Variants in PDE1C observed in about 807,000 individuals in gnomAD.
The protein encoded by PDE1C is phosphodiesterase 1C, also known as dual specificity calcium/calmodulin-dependent 3',5'-cyclic nucleotide phosphodiesterase 1C.
A neutral mutation model predicts 93.1 loss-of-function variants in PDE1C; 62 were observed. That is an observed-to-expected ratio of 0.67 (90% CI 0.54 to 0.82). PDE1C has a LOEUF of 0.82. PDE1C is among the 40% of genes least tolerant of loss of function. The pLI, the probability that PDE1C is intolerant of heterozygous loss-of-function variation, is 0.00. For synonymous variants in PDE1C, 325 were observed against 310.1 expected (o/e 1.05, Z -0.50); for missense variants, 742 against 884.6 (o/e 0.84, Z 2.04).
At chr7:31,702,864 C>T in the PDE1C span, among the ~76,000 whole-genome samples, 51 of 152,224 alleles carry the variant, frequency 3.4e-4, no homozygotes, top group African/African-American at 1.2e-3. Context: ...ATTTTCTGTT[C>T]GTGCTTGTAT....
chr7:31,846,184 C>A (rs1429037022), intron 9 of PDE1C, among the ~76,000 whole-genome samples: 1 of 151,388 alleles, frequency 6.6e-6, no homozygotes, highest in Admixed American at 6.6e-5. Context: ...ATTTTCCAAA[C>A]ATACGTATGC....
intron 1 of PDE1C, among the ~76,000 whole-genome samples, chr7:32,245,584 C>A (rs116417985): frequency 1.6e-3 from 240 of 152,300 alleles, no homozygotes; most frequent in African/African-American, 5.6e-3. Flanking sequence ...GCTTATTGAG[C>A]AGTTTATGGC....
At chr7:32,309,221 C>T (rs1278031478) in intron 1 of PDE1C, among the ~76,000 whole-genome samples, 1 of 152,188 alleles carries the variant, frequency 6.6e-6, no homozygotes, top group African/African-American at 2.4e-5. Context: ...AAGAAACAAA[C>T]AAAGCCTCCA....
chr7:32,182,015 T>C (rs1238128894), intron 2 of PDE1C, among the ~76,000 whole-genome samples: 1 of 152,140 alleles, frequency 6.6e-6, no homozygotes, highest in East Asian at 1.9e-4. Flanking sequence ...GAGAATACTA[T>C]AAACACCTCT....
chr7:32,040,456 C>T (rs1791668209), intron 2 of PDE1C, among the ~76,000 whole-genome samples: 1 of 152,106 alleles, frequency 6.6e-6, no homozygotes, highest in South Asian at 2.1e-4. Flanking sequence ...AAGTGACAAC[C>T]AAAAACTGTC....
intron 2 of PDE1C, among the ~76,000 whole-genome samples, chr7:31,894,836 A>C (rs1799076498): frequency 6.6e-6 from 1 of 152,086 alleles, no homozygotes; most frequent in Non-Finnish European, 1.5e-5. Flanking sequence ...GAGAACCCCC[A>C]GGGAGCAGTG....
At position 32,005,578 on chromosome 7, in the gene PDE1C, A is replaced by AAAAAAAAAAAAAAAAC. The variant is rs1204630246; in HGVS notation, c.128+45975_128+45976insGTTTTTTTTTTTTTTT. Among the ~76,000 whole-genome samples the AAAAAAAAAAAAAAAAC allele has an allele frequency of 9.1e-4, 94 of 103,782 alleles. 15 individuals carry two copies. Among genetic ancestry groups the AAAAAAAAAAAAAAAAC allele is most frequent in the Non-Finnish European group, 1.2e-3 (59 of 49,888 alleles). The allele number at this position is 103,782 out of a possible 152,430, so 68.1% of individuals were successfully genotyped here. On this transcript the variant is annotated intron_variant, in intron 2 of 17. Coordinates refer to ENST00000396191, the MANE Select transcript of PDE1C (RefSeq NM_001191057.4). ...TTCAAAAAAAAAAAAAAAAAAAAAA[A>AAAAAAAAAAAAAAAAC]AAAGAATTGTGATCTGAGAAATCAC... is the stretch of plus-strand genomic sequence containing the variant.
At chr7:32,296,326 C>G (rs1212030390) in intron 1 of PDE1C, among the ~76,000 whole-genome samples, 1 of 152,194 alleles carries the variant, frequency 6.6e-6, no homozygotes, top group African/African-American at 2.4e-5. Context: ...AACACAGATT[C>G]TAAGTCTGAT....
chr7:32,189,004 G>T (rs1297745674), intron 2 of PDE1C, among the ~76,000 whole-genome samples: 1 of 152,182 alleles, frequency 6.6e-6, no homozygotes, highest in African/African-American at 2.4e-5. Context: ...AAGCAAGAAT[G>T]GGACTCAACC....
chr7:32,226,840 A>G (rs1212113594), intron 1 of PDE1C, among the ~76,000 whole-genome samples: 1 of 152,038 alleles, frequency 6.6e-6, no homozygotes, highest in African/African-American at 2.4e-5. Flanking sequence ...CATCACCACC[A>G]ATGCTAGTTA....
At chr7:32,334,367 G>T (rs1233415028) in intron 1 of PDE1C, among the ~76,000 whole-genome samples, 6 of 151,838 alleles carry the variant, frequency 4.0e-5, no homozygotes, top group Non-Finnish European at 5.9e-5. Flanking sequence ...TTAGAAAATT[G>T]ACTTCTTTTG....
chr7:31,963,061 T>C (rs774244116), intron 2 of PDE1C, among the ~76,000 whole-genome samples: 1 of 152,202 alleles, frequency 6.6e-6, no homozygotes, highest in Non-Finnish European at 1.5e-5. Context: ...AACTTCTTAA[T>C]ACAAAAGCAA....
the PDE1C span, among the ~76,000 whole-genome samples, chr7:31,621,519 G>C: frequency 3.0e-4 from 44 of 146,196 alleles, no homozygotes; most frequent in Admixed American, 1.1e-3. Flanking sequence ...CTTCATAAGT[G>C]AAGGAGAAAT....
In PDE1C at chr7:32,347,874, AG is replaced by A. The variant is rs1430947878; in HGVS notation, c.310+79947del. ...TATAGTTTCATGAGACCCTCAGCAGAGGACCCGACTATGCTGTGCCAACCTC... is the reference window on the plus strand; with the variant it reads ...TATAGTTTCATGAGACCCTCAGCAGAGACCCGACTATGCTGTGCCAACCTC... On this transcript the variant is annotated intron_variant, in intron 1 of 1. Transcript: ENST00000672256. Among the ~76,000 whole-genome samples the A allele has an allele frequency of 3.2e-4, 48 of 152,358 alleles. 1 individual carries two copies. Among genetic ancestry groups the A allele is most frequent in the Admixed American group, 3.1e-3 (48 of 15,302 alleles).
At chr7:31,619,199 A>G in the PDE1C span, among the ~76,000 whole-genome samples, 1 of 152,094 alleles carries the variant, frequency 6.6e-6, no homozygotes, top group Admixed American at 6.5e-5. Context: ...TGTCCTTTCT[A>G]TGTCTATTTT....
chr7:31,717,920 C>T, the PDE1C span, among the ~76,000 whole-genome samples: 51 of 152,140 alleles, frequency 3.4e-4, no homozygotes, highest in African/African-American at 9.2e-4. Context: ...TGGTATCTAC[C>T]GTGGACAGAG....
chr7:31,912,318 G>A (rs1377692737), intron 2 of PDE1C, among the ~76,000 whole-genome samples: 3 of 152,056 alleles, frequency 2.0e-5, no homozygotes, highest in African/African-American at 7.2e-5. Context: ...CTTTTCATTT[G>A]CTCAAAACCA....
At chr7:32,177,282 G>A (rs904238736) in intron 2 of PDE1C, among the ~76,000 whole-genome samples, 7 of 152,136 alleles carry the variant, frequency 4.6e-5, no homozygotes, top group Admixed American at 6.5e-5. Context: ...AGGAGAACAC[G>A]GAGAGTAAAT....
At chr7:32,129,535 T>C (rs1799805653) in intron 3 of PDE1C, among the ~76,000 whole-genome samples, 8 of 151,668 alleles carry the variant, frequency 5.3e-5, no homozygotes, top group African/African-American at 1.2e-4. Flanking sequence ...TTTGTTAAAA[T>C]ATAATAAATA....
Sources: allele counts gnomAD v4.1 joint callset (sites outside exome capture counted in the v4.1 genomes callset), GRCh38; gene constraint gnomAD v4.1.1; transcripts MANE v1.5; gene names NCBI Gene and HGNC (gene_info 2026-07-23, HGNC 2026-07-21).